Variants in PDE4D observed in about 807,000 individuals in gnomAD.
The protein encoded by PDE4D is phosphodiesterase 4D.
In PDE4D, 24 loss-of-function variants were observed where a neutral mutation model predicts 87.4. The ratio of observed to expected loss-of-function variants is 0.27; its 90% CI spans 0.20 to 0.39. The LOEUF is 0.39. Among genes scored for constraint, PDE4D ranks in the 10% least tolerant of loss-of-function variants. PDE4D has a pLI of 1.00. For synonymous variants in PDE4D, 384 were observed against 383.2 expected (o/e 1.00, Z -0.02); for missense variants, 714 against 1,041.0 (o/e 0.69, Z 4.32).
intron 1 of PDE4D, among the ~76,000 whole-genome samples, chr5:59,363,809 T>C (rs1782607020): frequency 1.3e-5 from 2 of 152,148 alleles, no homozygotes; most frequent in East Asian, 3.9e-4. Flanking sequence ...AAAATTGGCC[T>C]GTGAGCCTGG....
At chr5:60,105,218 G>A (rs1003034526) in intron 2 of PDE4D, among the ~76,000 whole-genome samples, 5 of 152,196 alleles carry the variant, frequency 3.3e-5, no homozygotes, top group Non-Finnish European at 7.3e-5. Context: ...GAAGAATGCA[G>A]AAGCCTCAGG....
At position 60,400,244 on chromosome 5, in the gene PDE4D, T is replaced by C. The variant is rs890940759; in HGVS notation, c.-90+87698A>G. Among the ~76,000 whole-genome samples the C allele has an allele frequency of 4.4e-4, 67 of 152,202 alleles. 1 individual carries two copies. Among genetic ancestry groups the C allele is most frequent in the Non-Finnish European group, 1.2e-4 (8 of 68,048 alleles). Reference sequence around the variant, plus strand: ...AAGTTTTCATTAGTTTTCTGCTATATTGAAATATAAATTCTCGCCTGTAAT... The same window carrying C: ...AAGTTTTCATTAGTTTTCTGCTATACTGAAATATAAATTCTCGCCTGTAAT... On this transcript the variant is annotated intron_variant, in intron 1 of 16. Coordinates refer to the PDE4D transcript ENST00000502484.
intron 3 of PDE4D, among the ~76,000 whole-genome samples, chr5:59,974,334 T>C (rs1278045127): frequency 2.0e-5 from 3 of 152,290 alleles, no homozygotes; most frequent in East Asian, 1.9e-4. Flanking sequence ...ATGTTATTAT[T>C]GCTGGCAAAA....
intron 1 of PDE4D, among the ~76,000 whole-genome samples, chr5:59,669,777 ACCC>A (rs199697069): frequency 1.3e-5 from 2 of 150,988 alleles, no homozygotes; most frequent in Admixed American, 1.3e-4. Flanking sequence ...GACTAAAGAC[ACCC>A]CCCCCAATAG....
intron 1 of PDE4D, among the ~76,000 whole-genome samples, chr5:59,289,193 C>G (rs34739): frequency 0.66 from 100,286 of 151,810 alleles, 34,387 homozygotes; most frequent in African/African-American, 0.85. Context: ...AGTTTTAAAG[C>G]GGGGGACAAA....
intron 5 of PDE4D, among the ~76,000 whole-genome samples, chr5:59,043,314 G>C (rs547113563): frequency 1.3e-5 from 2 of 152,286 alleles, no homozygotes; most frequent in East Asian, 1.9e-4. Context: ...ATGAAGTCAA[G>C]AGATCAAGAC....
chr5:59,629,159 C>A (rs1831258552), intron 1 of PDE4D, among the ~76,000 whole-genome samples: 1 of 152,058 alleles, frequency 6.6e-6, no homozygotes, highest in Non-Finnish European at 1.5e-5. Context: ...GGGGACACAG[C>A]CAAACTACAT....
At chr5:60,287,621 T>A (rs1355655928) in intron 1 of PDE4D, among the ~76,000 whole-genome samples, 1 of 152,194 alleles carries the variant, frequency 6.6e-6, no homozygotes, top group Non-Finnish European at 1.5e-5. Context: ...CATTTCTGAA[T>A]GTAAAAATCC....
intron 2 of PDE4D, among the ~76,000 whole-genome samples, chr5:60,180,432 G>A (rs1308517174): frequency 1.3e-5 from 2 of 152,060 alleles, no homozygotes; most frequent in African/African-American, 4.8e-5. Context: ...GTGATGAAGT[G>A]CAAATACAGA....
intron 1 of PDE4D, among the ~76,000 whole-genome samples, chr5:59,604,940 A>G (rs1379712861): frequency 1.3e-5 from 2 of 152,110 alleles, no homozygotes; most frequent in East Asian, 3.9e-4. Context: ...GCTCAAGTGC[A>G]CACAAACATA....
chr5:60,515,239 T>G (rs1750740810), intron 1 of PDE4D, among the ~76,000 whole-genome samples: 1 of 152,164 alleles, frequency 6.6e-6, no homozygotes, highest in Admixed American at 6.5e-5. Context: ...CTATATTGCC[T>G]CTTCTTGGCT....
At chr5:59,973,370 T>G (rs1426370211) in intron 3 of PDE4D, among the ~76,000 whole-genome samples, 2 of 152,184 alleles carry the variant, frequency 1.3e-5, no homozygotes, top group Non-Finnish European at 2.9e-5. Flanking sequence ...TGTTTTAACT[T>G]TAACCTGGAT....
At chr5:60,322,371 C>CACAT (rs956934333) in intron 1 of PDE4D, among the ~76,000 whole-genome samples, 1 of 64,308 alleles carries the variant, frequency 1.6e-5, no homozygotes, top group Non-Finnish European at 2.7e-5. Context: ...CACACATACA[C>CACAT]ACACACACAC....
intron 1 of PDE4D, among the ~76,000 whole-genome samples, chr5:59,245,926 G>A (rs569349738): frequency 1.3e-4 from 20 of 151,808 alleles, no homozygotes; most frequent in Admixed American, 3.9e-4. Flanking sequence ...TCTCAAAAGC[G>A]TTTCAAGGAA....
At chr5:60,412,748 T>C (rs180703841) in intron 1 of PDE4D, among the ~76,000 whole-genome samples, 1 of 152,360 alleles carries the variant, frequency 6.6e-6, no homozygotes, top group African/African-American at 2.4e-5. Context: ...GTTAATTTTA[T>C]GTCAATTATT....
At chr5:60,029,912 G>C (rs547105700) in intron 2 of PDE4D, among the ~76,000 whole-genome samples, 1 of 152,030 alleles carries the variant, frequency 6.6e-6, no homozygotes, top group African/African-American at 2.4e-5. Context: ...CCTCAGAGAC[G>C]GGGGAATTTC....
chr5:59,063,715 T>C (rs751712569), intron 5 of PDE4D, among the ~76,000 whole-genome samples: 2 of 152,168 alleles, frequency 1.3e-5, no homozygotes, highest in Non-Finnish European at 2.9e-5. Flanking sequence ...TGGGTTATTC[T>C]AACACTCAGT....
At chr5:59,176,292 C>T (rs1783874947) in intron 5 of PDE4D, among the ~76,000 whole-genome samples, 1 of 152,130 alleles carries the variant, frequency 6.6e-6, no homozygotes, top group Non-Finnish European at 1.5e-5. Flanking sequence ...GTGGCTCATG[C>T]CTGTAATCCC....
intron 1 of PDE4D, among the ~76,000 whole-genome samples, chr5:59,388,978 C>T (rs1026704761): frequency 3.3e-5 from 5 of 151,852 alleles, no homozygotes; most frequent in African/African-American, 9.7e-5. Context: ...ACCCCCAAAC[C>T]TTCTAGACTT....
Sources: gnomAD v4.1 joint callset for allele counts (sites outside exome capture counted in the v4.1 genomes callset) on GRCh38, gnomAD v4.1.1 for gene constraint, MANE v1.5 for transcripts, NCBI Gene and HGNC (gene_info 2026-07-23, HGNC 2026-07-21) for gene names.